FAM185A: variants seen among roughly 807,000 people sequenced by gnomAD.
FAM185A encodes the protein family with sequence similarity 185 member A.
In FAM185A, 21 loss-of-function variants were observed where a neutral mutation model predicts 45.7. The ratio of observed to expected loss-of-function variants is 0.46; its 90% CI spans 0.33 to 0.66. The LOEUF (loss-of-function observed/expected upper bound fraction) is 0.66, where lower values mean the gene tolerates loss of function less well. Ranked by LOEUF, FAM185A falls within the 30% of genes least tolerant of loss-of-function variation. The pLI is 0.03. For synonymous variants in FAM185A, 117 were observed against 194.0 expected (o/e 0.60, Z 3.30); for missense variants, 305 against 485.4 (o/e 0.63, Z 3.49).
chr7:102,829,844 A>G, the FAM185A span, among the ~76,000 whole-genome samples: 1 of 152,200 alleles, frequency 6.6e-6, no homozygotes, highest in Non-Finnish European at 1.5e-5. Flanking sequence ...CGGCTCATCA[A>G]AATCAACATA....
At chr7:102,759,795 AAAC>A (rs1334132104) in intron 3 of FAM185A, among the ~76,000 whole-genome samples, 1 of 152,082 alleles carries the variant, frequency 6.6e-6, no homozygotes, top group Non-Finnish European at 1.5e-5. Flanking sequence ...AAAATACTTA[AAAC>A]AACGTCTGGC....
downstream of FAM185A, among the ~76,000 whole-genome samples, chr7:102,812,148 G>C (rs976688012): frequency 6.6e-6 from 1 of 152,180 alleles, no homozygotes; most frequent in Admixed American, 6.5e-5. Flanking sequence ...GCGGCAGTCA[G>C]AACAGAGTTG....
intron 6 of FAM185A, among the ~76,000 whole-genome samples, chr7:102,784,510 G>A (rs552331489): frequency 2.6e-5 from 4 of 152,262 alleles, no homozygotes; most frequent in Non-Finnish European, 2.9e-5. Context: ...TCATCCCTGG[G>A]ATGCAAGGCT....
At chr7:102,787,491 C>T (rs1182231293) in intron 7 of FAM185A, 22 bp downstream of exon 7, 3 of 1,427,752 alleles carry the variant, frequency 2.1e-6, no homozygotes, top group Non-Finnish European at 2.8e-6. Flanking sequence ...GCATTTTGCT[C>T]TGTCAGATGA....
intron 5 of FAM185A, among the ~76,000 whole-genome samples, chr7:102,776,275 G>T (rs1263500371): frequency 6.6e-6 from 1 of 151,540 alleles, no homozygotes; most frequent in Non-Finnish European, 1.5e-5. Flanking sequence ...TCTCCAGGCA[G>T]TCAGATAGAA....
chr7:102,811,201 C>A (rs2129444329), downstream of FAM185A, among the ~76,000 whole-genome samples: 1 of 152,062 alleles, frequency 6.6e-6, no homozygotes. Context: ...ATAAGCATAA[C>A]AGCAGTCAAC....
intron 6 of FAM185A, among the ~76,000 whole-genome samples, chr7:102,783,883 A>G (rs1457932318): frequency 1.3e-5 from 2 of 152,338 alleles, no homozygotes; most frequent in African/African-American, 4.8e-5. Flanking sequence ...CAAAAAATCA[A>G]TGAATGCAGG....
chr7:102,783,775 T>C (rs942914707), intron 6 of FAM185A, among the ~76,000 whole-genome samples: 14 of 151,970 alleles, frequency 9.2e-5, no homozygotes, highest in Non-Finnish European at 1.9e-4. Context: ...TTAAAAGAAC[T>C]AGAGAAGCAA....
chr7:102,825,562 GA>G, the FAM185A span, among the ~76,000 whole-genome samples: 74 of 152,286 alleles, frequency 4.9e-4, no homozygotes, highest in African/African-American at 1.7e-3. Context: ...ATACACAACA[GA>G]AAACGGACTA....
At chr7:102,781,799 C>G (rs1795425182) in intron 6 of FAM185A, among the ~76,000 whole-genome samples, 1 of 152,158 alleles carries the variant, frequency 6.6e-6, no homozygotes, top group Admixed American at 6.5e-5. Flanking sequence ...CGGAACAAAG[C>G]TGGATGGAGA....
At chr7:102,772,680 A>T (rs1182067500) in intron 5 of FAM185A, among the ~76,000 whole-genome samples, 10 of 152,054 alleles carry the variant, frequency 6.6e-5, no homozygotes, top group Non-Finnish European at 1.5e-4. Flanking sequence ...TGAAGAAAAA[A>T]AAAAGAAAAG....
At chr7:102,816,197 A>T in the FAM185A span, 1 of 152,182 alleles carries the variant, frequency 6.6e-6, no homozygotes, top group African/African-American at 2.4e-5. Flanking sequence ...TACTGACTGG[A>T]GGGGAGCAAA....
chr7:102,812,971 T>G (rs962592490), downstream of FAM185A, among the ~76,000 whole-genome samples: 2 of 151,378 alleles, frequency 1.3e-5, no homozygotes, highest in Non-Finnish European at 2.9e-5. Flanking sequence ...GCCTCCTGAG[T>G]AGCTGGGATT....
the FAM185A span, among the ~76,000 whole-genome samples, chr7:102,823,754 A>C: frequency 6.6e-6 from 1 of 152,234 alleles, no homozygotes; most frequent in Non-Finnish European, 1.5e-5. Context: ...TTTTAACATA[A>C]AGTTAAAAGA....
intron 6 of FAM185A, among the ~76,000 whole-genome samples, chr7:102,780,093 A>G (rs1183466857): frequency 6.6e-6 from 1 of 152,156 alleles, no homozygotes; most frequent in African/African-American, 2.4e-5. Flanking sequence ...ACAGTTTGTC[A>G]TGCTTATCTC....
At chr7:102,826,742 T>TAC in the FAM185A span, among the ~76,000 whole-genome samples, 6 of 93,622 alleles carry the variant, frequency 6.4e-5, no homozygotes, top group African/African-American at 2.6e-4. Context: ...TATATATATA[T>TAC]ATATATATAT....
At chr7:102,806,188 T>A (rs1160606216) in intron 7 of FAM185A, among the ~76,000 whole-genome samples, 10 of 152,228 alleles carry the variant, frequency 6.6e-5, no homozygotes, top group Admixed American at 1.3e-4. Flanking sequence ...TTGCTTTTTT[T>A]ATTTTTCTTC....
the FAM185A span, among the ~76,000 whole-genome samples, chr7:102,834,090 G>GGAAGGAAGGAAAGA: frequency 2.1e-4 from 15 of 70,484 alleles, no homozygotes; most frequent in South Asian, 1.5e-3. Flanking sequence ...GGAAAGAAAA[G>GGAAGGAAGGAAAGA]AAAGAAAGAA....
intron 7 of FAM185A, among the ~76,000 whole-genome samples, chr7:102,800,709 A>G (rs895358025): frequency 6.6e-6 from 1 of 152,130 alleles, no homozygotes; most frequent in Non-Finnish European, 1.5e-5. Context: ...GAAAATATGA[A>G]CAAAGCCTCC....
Sources: gnomAD v4.1 joint callset for allele counts (sites outside exome capture counted in the v4.1 genomes callset) on GRCh38, gnomAD v4.1.1 for gene constraint, MANE v1.5 for transcripts, NCBI Gene and HGNC (gene_info 2026-07-23, HGNC 2026-07-21) for gene names.